Variants in SHROOM4 observed in about 807,000 individuals in gnomAD.
SHROOM4 encodes shroom family member 4.
SHROOM4 carries 17 observed loss-of-function variants against 80.3 expected under a neutral mutation model. The observed-to-expected ratio is 0.21, with a 90% confidence interval of 0.14 to 0.32. The LOEUF (loss-of-function observed/expected upper bound fraction) is 0.32. SHROOM4 is among the 10% of genes least tolerant of loss of function. The pLI is 1.00. For synonymous variants in SHROOM4, 400 were observed against 437.5 expected (o/e 0.91, Z 1.07); for missense variants, 993 against 1,140.3 (o/e 0.87, Z 1.86).
At chrX:50,683,044 G>A (rs782539350) in intron 2 of SHROOM4, among the ~76,000 whole-genome samples, 20 of 111,306 alleles carry the variant, frequency 1.8e-4, no homozygotes, top group East Asian at 5.7e-4. Flanking sequence ...TCCTGCCCTC[G>A]AACATCAGAC....
intron 1 of SHROOM4, among the ~76,000 whole-genome samples, chrX:50,798,066 C>T (rs978352998): frequency 2.7e-5 from 3 of 110,505 alleles, no homozygotes; most frequent in African/African-American, 9.9e-5. Context: ...AGGGAGGCCA[C>T]CCCTCACTTA....
Position 50,775,553 on chromosome X carries a change from C to T in SHROOM4, c.117+38349G>A, listed in dbSNP as rs781935779. Among the ~76,000 whole-genome samples, 23 of 111,635 alleles carry T rather than the reference C, an allele frequency of 2.1e-4. No individual in the cohort carries two copies. In the South Asian group the frequency reaches 2.7e-3, roughly 13 times the overall value. ...TGGCTTCGATATGGAAAGCCCTTAA[C>T]GCCCACCCAAGTGACCAAGAGGTGG... On this transcript the variant is annotated intron_variant, in intron 1 of 8. Coordinates refer to ENST00000376020, the MANE Select transcript of SHROOM4 (RefSeq NM_020717.5).
intron 5 of SHROOM4, among the ~76,000 whole-genome samples, chrX:50,623,439 C>T (rs781985619): frequency 3.9e-4 from 43 of 111,237 alleles, no homozygotes; most frequent in Non-Finnish European, 2.3e-4. Context: ...CTGCCGGCTT[C>T]GGCCTACCAA....
chrX:50,607,284 C>G, intron 6 of SHROOM4, 97 bp downstream of exon 6: 1 of 992,236 alleles, frequency 1.0e-6, no homozygotes, highest in East Asian at 3.3e-5. Flanking sequence ...GTTTAACTGG[C>G]CAGCCTGAGG....
intron 1 of SHROOM4, among the ~76,000 whole-genome samples, chrX:50,728,892 GAAC>G (rs1430846001): frequency 9.3e-6 from 1 of 107,677 alleles, no homozygotes; most frequent in Non-Finnish European, 1.9e-5. Flanking sequence ...TAAAAAATAA[GAAC>G]AAAGAAAAAA....
chrX:50,577,353 T>A, the SHROOM4 span, among the ~76,000 whole-genome samples: 1 of 112,725 alleles, frequency 8.9e-6, no homozygotes, highest in South Asian at 3.6e-4. Context: ...GTTATTCACA[T>A]ATGAGAGGGT....
chrX:50,786,600 G>A (rs2147689679), intron 1 of SHROOM4, among the ~76,000 whole-genome samples: 1 of 111,729 alleles, frequency 9.0e-6, no homozygotes, highest in Non-Finnish European at 1.9e-5. Context: ...AAGTAGGGTG[G>A]AATAGCATAA....
chrX:50,610,899 A>G (rs191421654), intron 5 of SHROOM4, among the ~76,000 whole-genome samples: 1 of 111,734 alleles, frequency 8.9e-6, no homozygotes, highest in Admixed American at 9.5e-5. Flanking sequence ...CAAAGGTAGA[A>G]AAAAAGTAGA....
In SHROOM4 at chrX:50,728,656, G is replaced by A. The variant is rs1245038006; in HGVS notation, c.118-32719C>T. ...AAGTAAAACTAATCCCTAGTGGTCT[G>A]GTACATTGTGTGCATGCCCAAGGCT... On this transcript the variant is annotated intron_variant, in intron 1 of 8. Coordinates refer to ENST00000376020, the MANE Select transcript of SHROOM4 (RefSeq NM_020717.5). 4.5e-5 allele frequency among the ~76,000 whole-genome samples: 5 copies of A among 111,920 alleles called. 1 individual carries two copies. The highest frequency in any genetic ancestry group is 3.8e-4 in the Admixed American group (4 of 10,592).
chrX:50,600,260 C>T (rs1557247464), intron 7 of SHROOM4, among the ~76,000 whole-genome samples: 2 of 111,666 alleles, frequency 1.8e-5, no homozygotes, highest in Non-Finnish European at 3.8e-5. Context: ...CTAATAGATA[C>T]TTGTCTAGCT....
At chrX:50,767,108 T>C in intron 1 of SHROOM4, among the ~76,000 whole-genome samples, 1 of 112,180 alleles carries the variant, frequency 8.9e-6, no homozygotes, top group South Asian at 3.7e-4. Context: ...TCTGGCAACA[T>C]GTAACAGCAG....
intron 1 of SHROOM4, among the ~76,000 whole-genome samples, chrX:50,775,089 A>G (rs1202216889): frequency 2.7e-5 from 3 of 111,480 alleles, no homozygotes; most frequent in Non-Finnish European, 5.6e-5. Flanking sequence ...AGTGGTGCCA[A>G]CACCCTCCTG....
Position 50,591,020 on chromosome X carries a change from G to A in SHROOM4, c.*5675C>T, listed in dbSNP as rs1928864304. Reference sequence around the variant, plus strand: ...TAACATTAGGAAGACTTATTACAATGTTTTCTTCTAAGAATTTTATAATTT... The same window carrying A: ...TAACATTAGGAAGACTTATTACAATATTTTCTTCTAAGAATTTTATAATTT... On this transcript the variant is annotated 3_prime_UTR_variant, in exon 9 of 9. Transcript: ENST00000376020. Among the ~76,000 whole-genome samples, 1 of 111,882 alleles carries A rather than the reference G, an allele frequency of 8.9e-6. No individual in the cohort carries two copies. Among genetic ancestry groups the A allele is most frequent in the South Asian group, 3.7e-4 (1 of 2,696 alleles).
At chrX:50,713,130 G>A (rs1275877569) in intron 1 of SHROOM4, among the ~76,000 whole-genome samples, 1 of 110,942 alleles carries the variant, frequency 9.0e-6, no homozygotes. Context: ...GAAGCTGTCC[G>A]GGAGGGTTCT....
In SHROOM4 at chrX:50,675,541, T is replaced by TG. The variant is rs782191686; in HGVS notation, c.269+20244dup. 4.9e-4 allele frequency among the ~76,000 whole-genome samples: 54 copies of TG among 110,711 alleles called. No individual in the cohort carries two copies. In the East Asian group the frequency reaches 0.011, roughly 24 times the overall value. On this transcript the variant is annotated intron_variant, in intron 2 of 8. Transcript: ENST00000376020. Reference sequence around the variant, plus strand: ...AGGAGAGGGCATTCTTGTTTCTGGATGGGGGGAAAGTATTAAAACATATTG... The same window carrying TG: ...AGGAGAGGGCATTCTTGTTTCTGGATGGGGGGGAAAGTATTAAAACATATTG...
At chrX:50,754,814 A>C (rs1935003744) in intron 1 of SHROOM4, among the ~76,000 whole-genome samples, 1 of 111,951 alleles carries the variant, frequency 8.9e-6, no homozygotes, top group Non-Finnish European at 1.9e-5. Context: ...ACCACCAGAA[A>C]AGTACATTAT....
chrX:50,592,018 G>A lies in SHROOM4; in HGVS notation c.*4677C>T. 1 of 329,221 alleles carries A rather than the reference G, an allele frequency of 3.0e-6. No individual in the cohort carries two copies. Among genetic ancestry groups the A allele is most frequent in the Non-Finnish European group, 5.9e-6 (1 of 169,948 alleles). The allele number at this position is 329,221 out of a possible 1,213,427, so 27.1% of individuals were successfully genotyped here. A position where few individuals can be genotyped will look rare whatever the true frequency, so the allele number is the denominator to read the frequency against. ...AGGCGTGAGCCACCATGCCCGGCCG[G>A]AACTGTTTTCTTAATAACATTTTCG... On this transcript the variant is annotated 3_prime_UTR_variant, in exon 9 of 9. Coordinates refer to ENST00000376020, the MANE Select transcript of SHROOM4 (RefSeq NM_020717.5).
At chrX:50,755,360 G>A (rs953229177) in intron 1 of SHROOM4, among the ~76,000 whole-genome samples, 44 of 111,847 alleles carry the variant, frequency 3.9e-4, no homozygotes, top group Non-Finnish European at 1.1e-4. Context: ...AAGACACATG[G>A]ACAACTCAGG....
chrX:50,598,277 T>G lies in SHROOM4; in HGVS notation c.4201A>C (p.Asn1401His). 4 of 1,211,811 alleles carry G rather than the reference T, an allele frequency of 3.3e-6. No homozygotes were observed. Among genetic ancestry groups the G allele is most frequent in the Non-Finnish European group, 3.3e-6 (3 of 895,556 alleles). ...GACCCCAACTCTACCTTCTCCTGGT[T>G]GGCCTCTGAATCGATGCTGTTCAGA... is the stretch of plus-strand genomic sequence containing the variant. ...NALNSIDSEANQEKLVLIEKK... is the reference protein window; with the variant it reads ...NALNSIDSEAHQEKLVLIEKK... Residue 1401 changes from asparagine (N) to histidine (H), a missense_variant, in exon 8 of 9, where the codon AAC (asparagine) becomes CAC (histidine). By Grantham distance (68) the Asn-to-His change is moderately conservative (BLOSUM62 1). Coordinates refer to ENST00000376020, the MANE Select transcript of SHROOM4 (RefSeq NM_020717.5).
Sources: gnomAD v4.1 joint callset for allele counts (sites outside exome capture counted in the v4.1 genomes callset) on GRCh38, gnomAD v4.1.1 for gene constraint, MANE v1.5 for transcripts, NCBI Gene and HGNC (gene_info 2026-07-23, HGNC 2026-07-21) for gene names.